PAFAH1B1: variants seen among roughly 807,000 people sequenced by gnomAD.
PAFAH1B1 encodes the protein platelet-activating factor acetylhydrolase IB subunit beta.
In PAFAH1B1, 2 loss-of-function variants were observed where a neutral mutation model predicts 57.5. That is an observed-to-expected ratio of 0.03 (90% confidence interval 0.01 to 0.11). The LOEUF is 0.11. PAFAH1B1 is among the 10% of genes least tolerant of loss of function. PAFAH1B1 has a pLI of 1.00. For synonymous variants in PAFAH1B1, 152 were observed against 169.6 expected (o/e 0.90, Z 0.81); for missense variants, 257 against 512.0 (o/e 0.50, Z 4.81).
chr17:2,602,013 A>C (rs1457819423), intron 1 of PAFAH1B1, among the ~76,000 whole-genome samples: 1 of 152,238 alleles, frequency 6.6e-6, no homozygotes, highest in Non-Finnish European at 1.5e-5. Context: ...ACAGTGAAAA[A>C]ATTGGAAATA....
At chr17:2,649,071 G>C (rs965035857) in intron 2 of PAFAH1B1, among the ~76,000 whole-genome samples, 1 of 151,808 alleles carries the variant, frequency 6.6e-6, no homozygotes, top group Non-Finnish European at 1.5e-5. Flanking sequence ...AGGGCCAGGT[G>C]GGGGTGGCTC....
In PAFAH1B1 at chr17:2,684,290, C is replaced by G. The variant is rs1467634780; in HGVS notation, c.*2488C>G. ...AAATTTCCTGCACTGCTGTCTGACA[C>G]TGTCCTGTTGATGCCCTTTCTGACT... On this transcript the variant is annotated 3_prime_UTR_variant, in exon 11 of 11. Coordinates refer to ENST00000397195, the MANE Select transcript of PAFAH1B1 (RefSeq NM_000430.4). 3 of 152,816 alleles carry G rather than the reference C, an allele frequency of 2.0e-5. No homozygotes were observed. Among genetic ancestry groups the G allele is most frequent in the Non-Finnish European group, 4.4e-5 (3 of 68,198 alleles). 9.5% of individuals were successfully genotyped at this position (152,816 alleles called of 1,614,324 possible).
chr17:2,617,169 C>T (rs1018515085), intron 1 of PAFAH1B1, among the ~76,000 whole-genome samples: 1 of 152,136 alleles, frequency 6.6e-6, no homozygotes, highest in Non-Finnish European at 1.5e-5. Flanking sequence ...TTCAAAGCCC[C>T]AAAACTATTT....
intron 1 of PAFAH1B1, among the ~76,000 whole-genome samples, chr17:2,609,227 C>G (rs2068238926): frequency 6.6e-6 from 1 of 152,104 alleles, no homozygotes; most frequent in African/African-American, 2.4e-5. Context: ...TGGGGCTGGT[C>G]TCAGACTCCT....
intron 1 of PAFAH1B1, among the ~76,000 whole-genome samples, chr17:2,628,541 T>G (rs2068520091): frequency 1.3e-5 from 2 of 152,070 alleles, no homozygotes. Flanking sequence ...AGTTTTCTTT[T>G]TTTGGTTGTT....
intron 5 of PAFAH1B1, 61 bp from the exon 6 acceptor site, chr17:2,670,102 A>G: frequency 6.9e-7 from 1 of 1,451,882 alleles, no homozygotes; most frequent in African/African-American, 1.4e-5. Context: ...GCTGAGTGCA[A>G]ATGTGAAACA....
chr17:2,670,023 A>G (rs760293751), intron 5 of PAFAH1B1, 140 bp from the exon 6 acceptor site: 1 of 760,574 alleles, frequency 1.3e-6, no homozygotes, highest in East Asian at 2.5e-5. Context: ...CATGAGATAC[A>G]ATATTTCTAA....
chr17:2,648,369 G>T (rs952546066), intron 2 of PAFAH1B1, among the ~76,000 whole-genome samples: 2 of 151,954 alleles, frequency 1.3e-5, no homozygotes, highest in Middle Eastern at 3.4e-3. Context: ...GTGATTACAA[G>T]GTTGGTTCAA....
At chr17:2,602,476 A>G (rs891504350) in intron 1 of PAFAH1B1, among the ~76,000 whole-genome samples, 4 of 152,124 alleles carry the variant, frequency 2.6e-5, no homozygotes, top group African/African-American at 9.7e-5. Context: ...CTCTATATCC[A>G]ATCAATTACC....
intron 1 of PAFAH1B1, among the ~76,000 whole-genome samples, chr17:2,626,617 C>T (rs939215225): frequency 1.0e-4 from 13 of 128,122 alleles, no homozygotes; most frequent in Admixed American, 1.9e-4. Context: ...TGCAGTGGCG[C>T]GATCTTGGCT....
At chr17:2,667,433 G>C (rs2069121373) in intron 5 of PAFAH1B1, 1 of 450,842 alleles carries the variant, frequency 2.2e-6, no homozygotes, top group African/African-American at 2.0e-5. Flanking sequence ...CGTGTGATTT[G>C]GTTCTAAATC....
intron 1 of PAFAH1B1, among the ~76,000 whole-genome samples, chr17:2,603,579 C>T (rs1026134479): frequency 6.6e-6 from 1 of 151,910 alleles, no homozygotes; most frequent in Non-Finnish European, 1.5e-5. Context: ...TGAGATTGCA[C>T]CACTGTACTC....
intron 2 of PAFAH1B1, among the ~76,000 whole-genome samples, chr17:2,645,992 T>A (rs183169773): frequency 6.6e-6 from 1 of 152,090 alleles, no homozygotes; most frequent in Admixed American, 6.6e-5. Context: ...AGGGTACTGA[T>A]AACAAAAACC....
rs180768335 is a variant in PAFAH1B1, at chr17:2,631,125, C to G, written c.-190-6974C>G. Among the ~76,000 whole-genome samples, 290 of 152,098 alleles carry G rather than the reference C, an allele frequency of 1.9e-3. 3 individuals carry two copies. The highest frequency in any genetic ancestry group is 2.8e-4 in the Non-Finnish European group (19 of 67,980). ...GCGTGGTGGCGTGTGCTTGTAATCC[C>G]AGCTACTCAGGAGGCTGAGGCAGGG... On this transcript the variant is annotated intron_variant, in intron 1 of 10. Transcript: ENST00000397195.
At chr17:2,672,569 C>G (rs962495906) in intron 6 of PAFAH1B1, 86 bp from the exon 7 acceptor site, 1 of 915,270 alleles carries the variant, frequency 1.1e-6, no homozygotes, top group East Asian at 2.5e-5. Context: ...ATAGTGAAAC[C>G]CCATGGTAAA....
intron 2 of PAFAH1B1, among the ~76,000 whole-genome samples, chr17:2,654,940 CT>C (rs929881626): frequency 8.6e-4 from 125 of 144,942 alleles, no homozygotes; most frequent in African/African-American, 2.8e-3. Flanking sequence ...CCCTGCGTGG[CT>C]TTTTTTTTTC....
chr17:2,616,900 A>G (rs1408103883), intron 1 of PAFAH1B1, among the ~76,000 whole-genome samples: 1 of 151,452 alleles, frequency 6.6e-6, no homozygotes, highest in Non-Finnish European at 1.5e-5. Flanking sequence ...CGTCTCTACT[A>G]AAAATACCAA....
chr17:2,646,747 C>T (rs2068775035), intron 2 of PAFAH1B1, among the ~76,000 whole-genome samples: 2 of 152,148 alleles, frequency 1.3e-5, no homozygotes. Flanking sequence ...TAGTAGGAAA[C>T]TTGAATAGAT....
chr17:2,644,059 G>A (rs902718578), intron 2 of PAFAH1B1, among the ~76,000 whole-genome samples: 8 of 151,572 alleles, frequency 5.3e-5, no homozygotes, highest in Non-Finnish European at 1.0e-4. Context: ...GATTTTTTTT[G>A]TAAAGATGAA....
Sources: allele counts gnomAD v4.1 joint callset (sites outside exome capture counted in the v4.1 genomes callset), GRCh38; gene constraint gnomAD v4.1.1; transcripts MANE v1.5; gene names NCBI Gene and HGNC (gene_info 2026-07-23, HGNC 2026-07-21).